Variants in UBL3 observed in about 807,000 individuals in gnomAD.
UBL3 encodes ubiquitin like 3.
Under a neutral mutation model 18.4 loss-of-function variants are expected in UBL3, and 6 were observed. That is an observed-to-expected ratio of 0.33 (90% CI 0.18 to 0.64). The LOEUF (loss-of-function observed/expected upper bound fraction) is 0.64, where lower values mean the gene tolerates loss of function less well. UBL3 is among the 30% of genes least tolerant of loss of function. The pLI is 0.76. For missense variants in UBL3, 109 were observed against 142.9 expected (o/e 0.76, Z 1.21); for synonymous variants, 49 against 46.6 (o/e 1.05, Z -0.21).
intron 1 of UBL3, among the ~76,000 whole-genome samples, chr13:29,808,914 A>G (rs759695323): frequency 1.2e-4 from 18 of 152,160 alleles, no homozygotes; most frequent in Non-Finnish European, 2.5e-4. Context: ...TTTAACTTTT[A>G]ATTGAAAAAA....
At chr13:29,832,802 T>G (rs957356229) in intron 1 of UBL3, among the ~76,000 whole-genome samples, 1 of 152,212 alleles carries the variant, frequency 6.6e-6, no homozygotes, top group Admixed American at 6.5e-5. Flanking sequence ...AACTGTCATT[T>G]TTAATTTGGA....
chr13:29,833,854 A>G (rs1878848697), intron 1 of UBL3, among the ~76,000 whole-genome samples: 1 of 152,236 alleles, frequency 6.6e-6, no homozygotes. Context: ...AGCACCTAAA[A>G]AAGCATCTGA....
At chr13:29,842,012 C>G (rs1157107025) in intron 1 of UBL3, among the ~76,000 whole-genome samples, 1 of 152,138 alleles carries the variant, frequency 6.6e-6, no homozygotes, top group Non-Finnish European at 1.5e-5. Flanking sequence ...GTCTCCTAAA[C>G]AAAGACTGCT....
At chr13:29,777,418 T>C (rs1228581590) in intron 1 of UBL3, 155 bp from the exon 2 acceptor site, 6 of 715,064 alleles carry the variant, frequency 8.4e-6, no homozygotes, top group African/African-American at 3.6e-5. Context: ...TTAAAAAGAA[T>C]GGGAATTTGA....
At chr13:29,796,918 T>C (rs966185312) in intron 1 of UBL3, among the ~76,000 whole-genome samples, 4 of 152,176 alleles carry the variant, frequency 2.6e-5, no homozygotes, top group African/African-American at 9.7e-5. Flanking sequence ...TATTCTAGAT[T>C]TAGAAAAATA....
intron 2 of UBL3, among the ~76,000 whole-genome samples, chr13:29,774,498 T>A (rs980136364): frequency 1.3e-5 from 2 of 152,180 alleles, no homozygotes; most frequent in Non-Finnish European, 2.9e-5. Flanking sequence ...CTGATAGTTA[T>A]CTATTCCTGC....
intron 1 of UBL3, among the ~76,000 whole-genome samples, chr13:29,816,909 A>T (rs1262009815): frequency 6.6e-6 from 1 of 152,174 alleles, no homozygotes; most frequent in Non-Finnish European, 1.5e-5. Context: ...AACTCTAGGT[A>T]GCAGACTGCT....
At position 29,804,826 on chromosome 13, in the gene UBL3, T is replaced by C. The variant is rs566430896; in HGVS notation, c.28-27563A>G. 5.9e-5 allele frequency among the ~76,000 whole-genome samples: 9 copies of C among 152,312 alleles called. No individual in the cohort carries two copies. In the South Asian group the frequency reaches 1.9e-3, roughly 32 times the overall value. ...TATTTCAGATTTCTACTTTAAACTT[T>C]TCACATTTTTCCAAATTTCCACAAT... On this transcript the variant is annotated intron_variant, in intron 1 of 4. Transcript: ENST00000380680.
At chr13:29,838,557 T>C (rs1170013664) in intron 1 of UBL3, among the ~76,000 whole-genome samples, 1 of 152,208 alleles carries the variant, frequency 6.6e-6, no homozygotes, top group Non-Finnish European at 1.5e-5. Context: ...TCCATTACCC[T>C]GAAGTGGCAA....
chr13:29,819,014 A>G (rs1878357634), intron 1 of UBL3, among the ~76,000 whole-genome samples: 1 of 152,194 alleles, frequency 6.6e-6, no homozygotes, highest in African/African-American at 2.4e-5. Flanking sequence ...CATATCTGGG[A>G]ATATTTATGA....
At chr13:29,835,711 C>T (rs983583233) in intron 1 of UBL3, among the ~76,000 whole-genome samples, 16 of 140,488 alleles carry the variant, frequency 1.1e-4, no homozygotes, top group Admixed American at 2.3e-4. Context: ...GTTGAGATCG[C>T]GCCACTGCAC....
intron 2 of UBL3, among the ~76,000 whole-genome samples, chr13:29,774,186 T>C (rs1876920296): frequency 6.6e-6 from 1 of 152,096 alleles, no homozygotes; most frequent in Non-Finnish European, 1.5e-5. Context: ...TGGTAGATGG[T>C]CTGTTCATTT....
At chr13:29,792,911 T>C (rs971706840) in intron 1 of UBL3, among the ~76,000 whole-genome samples, 2 of 152,220 alleles carry the variant, frequency 1.3e-5, no homozygotes, top group Non-Finnish European at 2.9e-5. Context: ...TCTGCATCTG[T>C]GCATACTTTC....
intron 1 of UBL3, among the ~76,000 whole-genome samples, chr13:29,802,456 G>GTC (rs1319235936): frequency 2.0e-5 from 3 of 152,156 alleles, no homozygotes; most frequent in African/African-American, 4.8e-5. Context: ...CCCAGCAGGG[G>GTC]TCCTCCAACT....
At chr13:29,788,870 T>TGCGCGCGC (rs1555232763) in intron 1 of UBL3, among the ~76,000 whole-genome samples, 1 of 20,882 alleles carries the variant, frequency 4.8e-5, no homozygotes, top group Admixed American at 4.3e-4. Context: ...TGTGTGTGTG[T>TGCGCGCGC]GCGCGCGCGC....
At chr13:29,777,016 G>T in intron 2 of UBL3, 139 bp downstream of exon 2, 1 of 561,480 alleles carries the variant, frequency 1.8e-6, no homozygotes, top group Non-Finnish European at 2.9e-6. Context: ...AGGGTACAAT[G>T]ATCCTCTAAA....
intron 3 of UBL3, among the ~76,000 whole-genome samples, chr13:29,768,567 T>C (rs1335522644): frequency 6.6e-6 from 1 of 152,094 alleles, no homozygotes; most frequent in Non-Finnish European, 1.5e-5. Context: ...ACCTGCTTTT[T>C]AAAACCTGCT....
intron 1 of UBL3, among the ~76,000 whole-genome samples, chr13:29,813,688 A>C (rs936103141): frequency 6.6e-6 from 1 of 152,098 alleles, no homozygotes; most frequent in Non-Finnish European, 1.5e-5. Flanking sequence ...CAAATACTGC[A>C]CCATTTTATA....
In UBL3 at chr13:29,849,977, G is replaced by C; in HGVS notation, c.-439C>G. 3.7e-6 allele frequency: 1 copy of C among 270,064 alleles called. No individual in the cohort carries two copies. The highest frequency in any genetic ancestry group is 7.3e-6 in the Non-Finnish European group (1 of 136,832). 16.7% of individuals were successfully genotyped at this position (270,064 alleles called of 1,614,324 possible). A position where few individuals can be genotyped will look rare whatever the true frequency, so the allele number is the denominator to read the frequency against. On this transcript the variant is annotated 5_prime_UTR_variant, in exon 1 of 5. Transcript: ENST00000380680. Reference sequence around the variant, plus strand: ...CATTAAGCAGGAGAAAAATGCCCCAGCGTGGATGTACACAGATAACTATGT... The same window carrying C: ...CATTAAGCAGGAGAAAAATGCCCCACCGTGGATGTACACAGATAACTATGT...
Sources: allele counts gnomAD v4.1 joint callset (sites outside exome capture counted in the v4.1 genomes callset), GRCh38; gene constraint gnomAD v4.1.1; transcripts MANE v1.5; gene names NCBI Gene and HGNC (gene_info 2026-07-23, HGNC 2026-07-21).